The following SLCO2A1 variants were observed in gnomAD, a reference collection of about 807,000 sequenced individuals.
The protein encoded by SLCO2A1 is matrin F/G 1.
In SLCO2A1, 60 loss-of-function variants were observed where a neutral mutation model predicts 71.7. That is an observed-to-expected ratio of 0.84 (90% CI 0.68 to 1.04). The LOEUF (loss-of-function observed/expected upper bound fraction) is 1.04, where lower values mean the gene tolerates loss of function less well. SLCO2A1 is among the 50% of genes least tolerant of loss of function. SLCO2A1 has a pLI of 0.00. For missense variants in SLCO2A1, 745 were observed against 813.4 expected (o/e 0.92, Z 1.02); for synonymous variants, 308 against 326.7 (o/e 0.94, Z 0.62).
intron 3 of SLCO2A1, among the ~76,000 whole-genome samples, chr3:133,957,133 C>T (rs1453145899): frequency 1.3e-5 from 2 of 152,188 alleles, no homozygotes; most frequent in Non-Finnish European, 2.9e-5. Context: ...GAGTCTCTGC[C>T]CATCCCCACC....
At chr3:133,978,226 G>A (rs1208117712) in intron 2 of SLCO2A1, among the ~76,000 whole-genome samples, 2 of 152,216 alleles carry the variant, frequency 1.3e-5, no homozygotes, top group African/African-American at 4.8e-5. Context: ...AGGAACGGTA[G>A]AGAAGACAGT....
At chr3:133,962,937 T>C (rs912063149) in intron 3 of SLCO2A1, among the ~76,000 whole-genome samples, 1 of 152,106 alleles carries the variant, frequency 6.6e-6, no homozygotes, top group African/African-American at 2.4e-5. Context: ...CTTAGCCAGG[T>C]ATCAGTCTGT....
chr3:134,015,769 T>C (rs565889703), intron 1 of SLCO2A1, among the ~76,000 whole-genome samples: 33 of 152,208 alleles, frequency 2.2e-4, no homozygotes, highest in Admixed American at 2.0e-3. Flanking sequence ...ATGGATGGGC[T>C]CATCAAATAA....
intron 3 of SLCO2A1, among the ~76,000 whole-genome samples, chr3:133,972,206 T>G (rs1230204290): frequency 2.0e-5 from 3 of 152,138 alleles, no homozygotes; most frequent in Non-Finnish European, 4.4e-5. Context: ...TATAAGAACT[T>G]CAGGAATTAG....
At position 133,947,562 on chromosome 3, in the gene SLCO2A1, A is replaced by T. The variant is rs1933619312; in HGVS notation, c.1106-117T>A. On this transcript the variant is annotated intron_variant, in intron 8 of 13. Transcript: ENST00000310926. ...ATGGCTTCAGGAAGGAACATTTGGT[A>T]TGTTAAATTGTAATCGAAGTAGCTG... 3 of 848,932 alleles carry T rather than the reference A, an allele frequency of 3.5e-6. No individual in the cohort carries two copies. The Admixed American group carries it at 8.8e-5, about 25-fold the overall frequency. 52.6% of individuals were successfully genotyped at this position (848,932 alleles called of 1,614,324 possible). A position where few individuals can be genotyped will look rare whatever the true frequency, so the allele number is the denominator to read the frequency against.
At chr3:133,971,375 G>A (rs368444693) in intron 3 of SLCO2A1, among the ~76,000 whole-genome samples, 28 of 152,304 alleles carry the variant, frequency 1.8e-4, no homozygotes, top group African/African-American at 6.0e-4. Context: ...CTCATCCTCT[G>A]CCCACCTGAA....
chr3:133,934,916 C>A (rs1053257128), intron 13 of SLCO2A1, 86 bp from the exon 14 acceptor site: 32 of 1,054,334 alleles, frequency 3.0e-5, no homozygotes, highest in Non-Finnish European at 4.3e-5. Context: ...AGAACCACAT[C>A]ATTCCCACGC....
chr3:133,942,379 C>T, intron 11 of SLCO2A1: 1 of 474,640 alleles, frequency 2.1e-6, no homozygotes, highest in Non-Finnish European at 3.7e-6. Context: ...TGAATGAGGC[C>T]CTGCAATGAG....
intron 1 of SLCO2A1, among the ~76,000 whole-genome samples, chr3:133,983,275 T>C (rs4552342): frequency 0.47 from 72,122 of 152,038 alleles, 17,794 homozygotes; most frequent in Non-Finnish European, 0.55. Flanking sequence ...CGAGGCCACA[T>C]GTTAATGTTC....
At chr3:133,996,729 C>T (rs1576452373) in intron 1 of SLCO2A1, among the ~76,000 whole-genome samples, 1 of 152,164 alleles carries the variant, frequency 6.6e-6, no homozygotes. Context: ...TGATGAGCAG[C>T]CCCCTGAAAA....
At chr3:133,963,303 G>A (rs995216495) in intron 3 of SLCO2A1, among the ~76,000 whole-genome samples, 1 of 152,170 alleles carries the variant, frequency 6.6e-6, no homozygotes, top group Non-Finnish European at 1.5e-5. Flanking sequence ...AGCCATGCCG[G>A]TGTTCAAAGC....
intron 1 of SLCO2A1, among the ~76,000 whole-genome samples, chr3:133,987,602 T>C (rs1456723961): frequency 1.3e-5 from 2 of 152,210 alleles, no homozygotes; most frequent in Non-Finnish European, 1.5e-5. Context: ...CCCTAAAATG[T>C]ACAAAACCAA....
chr3:134,028,499 G>C (rs1434293960), intron 1 of SLCO2A1, among the ~76,000 whole-genome samples: 3 of 152,186 alleles, frequency 2.0e-5, no homozygotes, highest in African/African-American at 7.2e-5. Flanking sequence ...ATTTATTGCG[G>C]TGCGGAAAGA....
chr3:133,984,821 A>C (rs550687950), intron 1 of SLCO2A1, among the ~76,000 whole-genome samples: 11 of 152,318 alleles, frequency 7.2e-5, no homozygotes, highest in African/African-American at 2.6e-4. Flanking sequence ...TTTTGGAGTC[A>C]AACAGGCCTA....
intron 1 of SLCO2A1, among the ~76,000 whole-genome samples, chr3:134,024,782 T>C (rs551906032): frequency 6.6e-6 from 1 of 152,310 alleles, no homozygotes; most frequent in African/African-American, 2.4e-5. Flanking sequence ...AGGACATCAT[T>C]AGTTAACAAA....
chr3:133,982,668 G>A (rs1462107492), intron 1 of SLCO2A1, among the ~76,000 whole-genome samples: 1 of 151,932 alleles, frequency 6.6e-6, no homozygotes, highest in African/African-American at 2.4e-5. Flanking sequence ...TCTTCTTGGT[G>A]TCTCCCACAT....
At chr3:134,014,896 T>A (rs1328564399) in intron 1 of SLCO2A1, among the ~76,000 whole-genome samples, 2 of 152,004 alleles carry the variant, frequency 1.3e-5, no homozygotes, top group African/African-American at 4.8e-5. Flanking sequence ...TTAGAAAAAA[T>A]TTAGGAACAT....
chr3:133,945,172 T>A lies in SLCO2A1; in HGVS notation c.1384A>T (p.Asn462Tyr), dbSNP rs747675999. ...DSIFHPVCGD[N>Y]GIEYLSPCHA... ...CAAGGGGAGAGGTACTCGATTCCAT[T>A]GTCTCCACAGACCGGGTGGAAGATA... The change falls in exon 10 of 14, where the codon AAT becomes TAT. Residue 462 changes from asparagine (N) to tyrosine (Y), a missense_variant. Transcript: ENST00000310926. The A allele has an allele frequency of 6.2e-7, 1 of 1,614,134 alleles. No individual in the cohort carries two copies. The highest frequency in any genetic ancestry group is 8.5e-7 in the Non-Finnish European group (1 of 1,180,002).
rs764393386 is a variant in SLCO2A1 at position 133,950,412 on chromosome 3, G to A, written c.861+796C>T. Among the ~76,000 whole-genome samples the A allele has an allele frequency of 1.4e-4, 21 of 152,096 alleles. 1 individual carries two copies. The highest frequency in any genetic ancestry group is 2.4e-4 in the Non-Finnish European group (16 of 68,010). ...CCAGCTCACTGCTGAGTCCTTCTGG[G>A]CATCCACCCTAGGAATGTCTATCCT... On this transcript the variant is annotated intron_variant, in intron 6 of 13. Coordinates refer to ENST00000310926, the MANE Select transcript of SLCO2A1 (RefSeq NM_005630.3).
Sources: allele counts gnomAD v4.1 joint callset (sites outside exome capture counted in the v4.1 genomes callset), GRCh38; gene constraint gnomAD v4.1.1; transcripts MANE v1.5; gene names NCBI Gene and HGNC (gene_info 2026-07-23, HGNC 2026-07-21).